The following NEDD4L variants were observed in gnomAD, a reference collection of about 807,000 sequenced individuals.
NEDD4L encodes NEDD4 like E3 ubiquitin protein ligase.
In NEDD4L, 54 loss-of-function variants were observed where a neutral mutation model predicts 148.9. The observed-to-expected ratio is 0.36, with a 90% CI of 0.29 to 0.45. NEDD4L has a LOEUF of 0.45. NEDD4L is among the 20% of genes least tolerant of loss of function. The probability of loss-of-function intolerance (pLI) is 1.00; values close to 1 mark genes in which losing one functional copy is unlikely to be tolerated. For synonymous variants in NEDD4L, 433 were observed against 440.7 expected (o/e 0.98, Z 0.22); for missense variants, 856 against 1,233.8 (o/e 0.69, Z 4.59).
chr18:58,181,363 T>G (rs2038841850), intron 2 of NEDD4L, among the ~76,000 whole-genome samples: 1 of 152,236 alleles, frequency 6.6e-6, no homozygotes, highest in Non-Finnish European at 1.5e-5. Flanking sequence ...AGGATTCATT[T>G]TTAGTTTTAA....
chr18:58,195,328 T>A, intron 2 of NEDD4L: 1 of 937,816 alleles, frequency 1.1e-6, no homozygotes, highest in Non-Finnish European at 1.4e-6. Flanking sequence ...ATTGCTTTTT[T>A]GTGTCTCTTG....
At chr18:58,219,085 C>T (rs995893260) in intron 2 of NEDD4L, among the ~76,000 whole-genome samples, 4 of 152,194 alleles carry the variant, frequency 2.6e-5, no homozygotes, top group African/African-American at 9.6e-5. Context: ...TCATTTGGTG[C>T]TGATGGTCAC....
At position 58,398,667 on chromosome 18, in the gene NEDD4L, G is replaced by A. The variant is rs2050648743; in HGVS notation, c.*2398G>A. ...TGACAACTAAATATGCTGAAGTGAGGATTTAGTATTTTTTAAAAAAGCAAA... is the reference window on the plus strand; with the variant it reads ...TGACAACTAAATATGCTGAAGTGAGAATTTAGTATTTTTTAAAAAAGCAAA... On this transcript the variant is annotated 3_prime_UTR_variant, in exon 31 of 31. Transcript: ENST00000400345. The A allele has an allele frequency of 6.6e-6, 1 of 152,186 alleles. No homozygotes were observed. The highest frequency in any genetic ancestry group is 2.1e-4 in the South Asian group (1 of 4,820). 9.4% of individuals were successfully genotyped at this position (152,186 alleles called of 1,614,324 possible). A position where few individuals can be genotyped will look rare whatever the true frequency, so the allele number is the denominator to read the frequency against.
At chr18:58,324,625 A>G (rs1056679369) in intron 8 of NEDD4L, among the ~76,000 whole-genome samples, 5 of 152,234 alleles carry the variant, frequency 3.3e-5, no homozygotes, top group African/African-American at 1.2e-4. Flanking sequence ...CATCATTGGC[A>G]GGGCTTTGTA....
At chr18:58,357,541 T>A (rs974753610) in intron 19 of NEDD4L, 1 of 572,580 alleles carries the variant, frequency 1.7e-6, no homozygotes, top group Admixed American at 2.2e-5. Context: ...ATAGTCAAAA[T>A]TCCCTCCCTT....
intron 11 of NEDD4L, among the ~76,000 whole-genome samples, chr18:58,332,517 G>A (rs1251843115): frequency 6.6e-6 from 1 of 152,102 alleles, no homozygotes; most frequent in Non-Finnish European, 1.5e-5. Context: ...GTGTGGTGGG[G>A]TGCACCTGTA....
chr18:58,073,127 C>G (rs1357986667), intron 1 of NEDD4L, among the ~76,000 whole-genome samples: 1 of 151,972 alleles, frequency 6.6e-6, no homozygotes, highest in Non-Finnish European at 1.5e-5. Flanking sequence ...ATTCCATGTT[C>G]ACGGATTAGA....
At chr18:58,109,576 T>G (rs1299695148) in intron 1 of NEDD4L, among the ~76,000 whole-genome samples, 17 of 147,382 alleles carry the variant, frequency 1.2e-4, no homozygotes, top group East Asian at 7.8e-4. Flanking sequence ...TTTTTTGTTT[T>G]TTTTTTTTTT....
At chr18:58,088,910 A>G (rs139868206) in intron 1 of NEDD4L, among the ~76,000 whole-genome samples, 47 of 152,290 alleles carry the variant, frequency 3.1e-4, no homozygotes, top group Admixed American at 2.0e-3. Context: ...CTTGAACTCA[A>G]CAAATATTTA....
chr18:58,306,916 G>A (rs1490998714), intron 5 of NEDD4L, among the ~76,000 whole-genome samples: 3 of 152,210 alleles, frequency 2.0e-5, no homozygotes, highest in African/African-American at 7.2e-5. Flanking sequence ...TTACAGGCGT[G>A]AGCCACCATG....
chr18:58,382,297 T>C (rs770218380), intron 24 of NEDD4L, among the ~76,000 whole-genome samples: 50 of 152,112 alleles, frequency 3.3e-4, no homozygotes, highest in Non-Finnish European at 5.4e-4. Flanking sequence ...TGCCAGGGCA[T>C]AGAGTTCATC....
chr18:58,313,964 G>A (rs2057978367), intron 5 of NEDD4L, among the ~76,000 whole-genome samples: 1 of 152,228 alleles, frequency 6.6e-6, no homozygotes, highest in East Asian at 1.9e-4. Context: ...TCTGCTGATT[G>A]TCTTTTCCTT....
At chr18:58,153,707 C>T (rs988919945) in intron 1 of NEDD4L, among the ~76,000 whole-genome samples, 7 of 151,766 alleles carry the variant, frequency 4.6e-5, no homozygotes, top group Non-Finnish European at 1.0e-4. Context: ...AGTGCCGTGG[C>T]GCAATCTCGG....
At chr18:58,270,304 T>C (rs1001207660) in intron 5 of NEDD4L, among the ~76,000 whole-genome samples, 1 of 152,106 alleles carries the variant, frequency 6.6e-6, no homozygotes. Context: ...GTAACCTGGG[T>C]CAACTCATTT....
intron 1 of NEDD4L, among the ~76,000 whole-genome samples, chr18:58,111,903 C>A (rs189987768): frequency 2.0e-4 from 30 of 152,192 alleles, no homozygotes; most frequent in Middle Eastern, 3.2e-3. Context: ...CATTCCCCCC[C>A]AGCAGTGTCT....
At chr18:58,161,120 G>T (rs1277656070) in intron 1 of NEDD4L, among the ~76,000 whole-genome samples, 1 of 152,002 alleles carries the variant, frequency 6.6e-6, no homozygotes, top group East Asian at 1.9e-4. Flanking sequence ...GGGTTCAAGC[G>T]ATTCTCCTGC....
chr18:58,305,594 A>G (rs2056965803), intron 5 of NEDD4L, among the ~76,000 whole-genome samples: 1 of 152,168 alleles, frequency 6.6e-6, no homozygotes, highest in Non-Finnish European at 1.5e-5. Context: ...TCTTCAGTGG[A>G]TTGTAGGGAG....
chr18:58,354,266 A>T (rs1041688413), intron 18 of NEDD4L, among the ~76,000 whole-genome samples: 12 of 152,336 alleles, frequency 7.9e-5, no homozygotes, highest in Non-Finnish European at 1.5e-5. Context: ...CAACATTAGA[A>T]GAGAAAATTG....
chr18:58,146,883 G>T (rs1333743801), intron 1 of NEDD4L, among the ~76,000 whole-genome samples: 1 of 148,592 alleles, frequency 6.7e-6, no homozygotes, highest in African/African-American at 2.4e-5. Context: ...TTCATTTTGC[G>T]CTGGGCCTGG....
Sources: gnomAD v4.1 joint callset for allele counts (sites outside exome capture counted in the v4.1 genomes callset) on GRCh38, gnomAD v4.1.1 for gene constraint, MANE v1.5 for transcripts, NCBI Gene and HGNC (gene_info 2026-07-23, HGNC 2026-07-21) for gene names.